The following ZNF770 variants were observed in gnomAD, a reference collection of about 807,000 sequenced individuals.
ZNF770 encodes zinc finger protein 770.
A neutral mutation model predicts 44.8 loss-of-function variants in ZNF770; 13 were observed. The ratio of observed to expected loss-of-function variants is 0.29; its 90% CI spans 0.19 to 0.46. The LOEUF is 0.46. ZNF770 is among the 20% of genes least tolerant of loss of function. The probability of loss-of-function intolerance (pLI) is 1.00; values close to 1 mark genes in which losing one functional copy is unlikely to be tolerated. For synonymous variants in ZNF770, 304 were observed against 271.8 expected (o/e 1.12, Z -1.17); for missense variants, 681 against 797.9 (o/e 0.85, Z 1.77).
In ZNF770 at chr15:34,988,180, G is replaced by A. The variant is rs998372864; in HGVS notation, c.-238C>T. On this transcript the variant is annotated 5_prime_UTR_variant, in exon 1 of 3. Transcript: ENST00000356321. ...CGCTCCACTTCTCAGTCGGGTTTCT[G>A]AAGTCCTCCTCACGCATCTGGAGCT... The A allele has an allele frequency of 3.3e-5, 5 of 152,218 alleles. No individual in the cohort carries two copies. The highest frequency in any genetic ancestry group is 7.2e-5 in the African/African-American group (3 of 41,446). 9.4% of individuals were successfully genotyped at this position (152,218 alleles called of 1,614,324 possible).
chr15:34,985,264 GA>G (rs1279814616), intron 2 of ZNF770, among the ~76,000 whole-genome samples: 4 of 151,968 alleles, frequency 2.6e-5, no homozygotes, highest in Middle Eastern at 3.4e-3. Flanking sequence ...AGGAGTCAGA[GA>G]TTTTTTCAAA....
rs1391460245 is a variant in ZNF770, at chr15:34,979,745, A to G, written c.*1614T>C. On this transcript the variant is annotated 3_prime_UTR_variant, in exon 3 of 3. Transcript: ENST00000356321. The stretch of plus-strand genomic sequence containing the variant: ...CATTTATCCACATTCTCAATAGAGG[A>G]TTTTCCACTATATTTAAGTATGGCA... 2.3e-6 allele frequency: 1 copy of G among 432,532 alleles called. No individual in the cohort carries two copies. The highest frequency in any genetic ancestry group is 4.6e-6 in the Non-Finnish European group (1 of 217,090). 26.8% of individuals were successfully genotyped at this position (432,532 alleles called of 1,614,324 possible). A position where few individuals can be genotyped will look rare whatever the true frequency, so the allele number is the denominator to read the frequency against.
In ZNF770 at chr15:34,982,275, C is replaced by A. The variant is rs375977733; in HGVS notation, c.1160G>T (p.Gly387Val). The A allele has an allele frequency of 4.3e-6, 7 of 1,613,754 alleles. No individual in the cohort carries two copies. In the African/African-American group the frequency reaches 9.3e-5, roughly 22 times the overall value. ...ATATGTTCCATGTTTGCCAAGAGAA[C>A]CCACAAATGTTCTCTGGGTTTGTTC... ...SSEQTQRTFVGSLGKHGTYKT... is the reference protein window; with the variant it reads ...SSEQTQRTFVVSLGKHGTYKT... The change falls in exon 3 of 3, where the codon GGT becomes GTT. Residue 387 changes from glycine (G) to valine (V), a missense_variant. By Grantham distance (109) the Gly-to-Val change is moderately radical (BLOSUM62 -3). Around this residue, in one of 5 missense-constraint regions of ZNF770, gnomAD observed 432 missense variants for 434.1 expected, o/e 1.00. Transcript: ENST00000356321.
intron 2 of ZNF770, among the ~76,000 whole-genome samples, chr15:34,985,825 C>T (rs1475055882): frequency 2.0e-5 from 3 of 151,932 alleles, no homozygotes; most frequent in Non-Finnish European, 2.9e-5. Flanking sequence ...ACCCAGGAGA[C>T]GGAGGTTGCA....
chr15:34,983,360 C>T lies in ZNF770; in HGVS notation c.75G>A (p.Arg25=), dbSNP rs1312726595. The T allele has an allele frequency of 6.2e-7, 1 of 1,608,460 alleles. No homozygotes were observed. The stretch of plus-strand genomic sequence containing the variant: ...TAAAACAAATATTGCAAACATATGG[C>T]CTGTTTCTAGGTAGTTTGTTGGCTA... ...CVVANKLPRN[R]PYVCNICFKH... is the part of the protein sequence containing the mutation. Residue 25 remains arginine (R), a synonymous_variant, in exon 3 of 3, where the codon AGG becomes AGA. Coordinates refer to ENST00000356321, the MANE Select transcript of ZNF770 (RefSeq NM_014106.4).
chr15:34,984,942 G>C (rs1019084205), intron 2 of ZNF770, among the ~76,000 whole-genome samples: 1 of 152,008 alleles, frequency 6.6e-6, no homozygotes, highest in Non-Finnish European at 1.5e-5. Flanking sequence ...AGACCTGCCT[G>C]AACAACGTGG....
Position 34,981,001 on chromosome 15 carries a change from T to C in ZNF770, c.*358A>G, listed in dbSNP as rs1307981253. 7 of 185,278 alleles carry C rather than the reference T, an allele frequency of 3.8e-5. No individual in the cohort carries two copies. Among genetic ancestry groups the C allele is most frequent in the Non-Finnish European group, 7.8e-5 (7 of 89,468 alleles). The allele number at this position is 185,278 out of a possible 1,614,324, so 11.5% of individuals were successfully genotyped here. A position where few individuals can be genotyped will look rare whatever the true frequency, so the allele number is the denominator to read the frequency against. On this transcript the variant is annotated 3_prime_UTR_variant, in exon 3 of 3. Coordinates refer to ENST00000356321, the MANE Select transcript of ZNF770 (RefSeq NM_014106.4). ...GTTTTGCCTCTCAGTCTTTTGAGTA[T>C]ATCTAAAAAGAGATGGCATGTCTTA...
At position 34,981,652 on chromosome 15, in the gene ZNF770, G is replaced by T. The variant is rs750828656; in HGVS notation, c.1783C>A (p.Pro595Thr). The T allele has an allele frequency of 1.9e-6, 3 of 1,614,104 alleles. No individual in the cohort carries two copies. Among genetic ancestry groups the T allele is most frequent in the South Asian group, 1.1e-5 (1 of 91,074 alleles). Reference sequence around the variant, plus strand: ...TCCAAAAGTACATTAGGAAGACAGGGTTGCCCGGTGCTACCAGGAATAAAA... The same window carrying T: ...TCCAAAAGTACATTAGGAAGACAGGTTTGCCCGGTGCTACCAGGAATAAAA... ...QDFIPGSTGQ[P>T]CLPNVLLESE... Residue 595 changes from proline (P) to threonine (T), a missense_variant, in exon 3 of 3, where the codon CCC becomes ACC. Transcript: ENST00000356321.
rs1326185064 is a variant in ZNF770 at position 34,979,605 on chromosome 15, C to A, written c.*1754G>T. On this transcript the variant is annotated 3_prime_UTR_variant, in exon 3 of 3. Transcript: ENST00000356321. ...ATCTCTGTAAATTAAACCCAAGTTA[C>A]TTAAAAATCACCTGTGGTAAAAGAA... 1 of 449,196 alleles carries A rather than the reference C, an allele frequency of 2.2e-6. No homozygotes were observed. The highest frequency in any genetic ancestry group is 4.5e-6 in the Non-Finnish European group (1 of 224,362). 27.8% of individuals were successfully genotyped at this position (449,196 alleles called of 1,614,324 possible). A position where few individuals can be genotyped will look rare whatever the true frequency, so the allele number is the denominator to read the frequency against.
Position 34,982,048 on chromosome 15 carries a change from C to T in ZNF770, c.1387G>A (p.Val463Ile). ...CTAGTACGTATGTTTTCCCTTGGAACTGAAAAACCACACTGAAGTACCTCA... is the reference window on the plus strand; with the variant it reads ...CTAGTACGTATGTTTTCCCTTGGAATTGAAAAACCACACTGAAGTACCTCA... The part of the protein sequence containing the change: ...NCEVLQCGFS[V>I]PRENIRTRHK... Residue 463 changes from valine (V) to isoleucine (I), a missense_variant, in exon 3 of 3, where the codon GTT becomes ATT. By Grantham distance (29) the Val-to-Ile change is conservative (BLOSUM62 3). Coordinates refer to ENST00000356321, the MANE Select transcript of ZNF770 (RefSeq NM_014106.4). 1 of 1,613,654 alleles carries T rather than the reference C, an allele frequency of 6.2e-7. No homozygotes were observed. The highest frequency in any genetic ancestry group is 8.5e-7 in the Non-Finnish European group (1 of 1,179,982).
Position 34,982,910 on chromosome 15 carries a change from A to G in ZNF770, c.525T>C (p.Leu175=), listed in dbSNP as rs761173614. The G allele has an allele frequency of 1.4e-5, 22 of 1,614,064 alleles. No homozygotes were observed. The South Asian group carries it at 2.3e-4, about 17-fold the overall frequency. ...CGKMFPSQSK[L]DRHVLIHTGQ... Reference sequence around the variant, plus strand: ...CAGTATGAATAAGTACATGCCTATCAAGTTTTGACTGTGATGGAAACATCT... The same window carrying G: ...CAGTATGAATAAGTACATGCCTATCGAGTTTTGACTGTGATGGAAACATCT... Residue 175 remains leucine (L), a synonymous_variant, in exon 3 of 3, where the codon CTT becomes CTC. Transcript: ENST00000356321.
chr15:34,986,323 T>C (rs1333601485), intron 2 of ZNF770, among the ~76,000 whole-genome samples: 1 of 152,220 alleles, frequency 6.6e-6, no homozygotes, highest in Non-Finnish European at 1.5e-5. Flanking sequence ...ATATATCATA[T>C]AACCCAGATA....
intron 2 of ZNF770, among the ~76,000 whole-genome samples, chr15:34,986,756 G>A (rs955740524): frequency 6.6e-6 from 1 of 152,222 alleles, no homozygotes; most frequent in Admixed American, 6.5e-5. Flanking sequence ...AAAGGGAGGG[G>A]AAGGTCTAGG....
intron 2 of ZNF770, among the ~76,000 whole-genome samples, chr15:34,985,539 TATTACTC>T (rs746228542): frequency 2.0e-5 from 3 of 152,220 alleles, no homozygotes; most frequent in African/African-American, 4.8e-5. Flanking sequence ...AACTGCAGGA[TATTACTC>T]ATTAATGGAT....
chr15:34,983,679 T>C (rs2140521954), intron 2 of ZNF770, among the ~76,000 whole-genome samples, 189 bp from the exon 3 acceptor site: 1 of 152,244 alleles, frequency 6.6e-6, no homozygotes, highest in South Asian at 2.1e-4. Context: ...GAGATATGAG[T>C]CTTTAAAAGA....
Position 34,982,840 on chromosome 15 carries a change from G to C in ZNF770, c.595C>G (p.Gln199Glu). ...KCVLCTKSFR[Q>E]STHLKIHQLT... is the part of the protein sequence containing the mutation. ...TGGTGGATTTTTAAGTGAGTTGACT[G>C]TCGAAAAGATTTAGTACACAAGACA... Residue 199 changes from glutamine (Q) to glutamate (E), a missense_variant, in exon 3 of 3, where the codon CAG becomes GAG. Physicochemically the swap from Gln to Glu is conservative, Grantham distance 29. This residue lies in a region of ZNF770 where 432 missense variants were observed against 434.1 expected (regional missense o/e 1.00). Transcript: ENST00000356321. 1 of 1,613,830 alleles carries C rather than the reference G, an allele frequency of 6.2e-7. No individual in the cohort carries two copies. Among genetic ancestry groups the C allele is most frequent in the Non-Finnish European group, 8.5e-7 (1 of 1,179,962 alleles).
At chr15:34,983,940 TTAGAA>T (rs72477950) in intron 2 of ZNF770, among the ~76,000 whole-genome samples, 17,998 of 152,112 alleles carry the variant, frequency 0.12, 2,731 homozygotes, top group African/African-American at 0.36. Context: ...AAATATGCTC[TTAGAA>T]TAGAACATTT....
chr15:34,978,977 A>C lies in ZNF770; in HGVS notation c.*2382T>G, dbSNP rs1210324847. On this transcript the variant is annotated 3_prime_UTR_variant, in exon 3 of 3. Transcript: ENST00000356321. Reference sequence around the variant, plus strand: ...ATTTGTATTATTTTTATTTTTTCTAATATTTTTGATCTGCAATTGGTTTAA... The same window carrying C: ...ATTTGTATTATTTTTATTTTTTCTACTATTTTTGATCTGCAATTGGTTTAA... 1 of 152,486 alleles carries C rather than the reference A, an allele frequency of 6.6e-6. No individual in the cohort carries two copies. The highest frequency in any genetic ancestry group is 1.5e-5 in the Non-Finnish European group (1 of 68,014). The allele number at this position is 152,486 out of a possible 1,614,324, so 9.4% of individuals were successfully genotyped here.
At position 34,980,855 on chromosome 15, in the gene ZNF770, TACAAAA is replaced by T. The variant is rs1285703578; in HGVS notation, c.*498_*503del. Reference sequence around the variant, plus strand: ...TAGTGTCTCTGTAGTTTTTTTAACTTACAAAAAAAAAAAAAAAATTACCAATGCAAT... The same window carrying T: ...TAGTGTCTCTGTAGTTTTTTTAACTTAAAAAAAAAAAATTACCAATGCAAT... On this transcript the variant is annotated 3_prime_UTR_variant, in exon 3 of 3. Transcript: ENST00000356321. The T allele has an allele frequency of 2.3e-5, 2 of 88,086 alleles. No individual in the cohort carries two copies. Among genetic ancestry groups the T allele is most frequent in the African/African-American group, 1.8e-4 (2 of 11,176 alleles). The allele number at this position is 88,086 out of a possible 1,614,324, so 5.5% of individuals were successfully genotyped here. A position where few individuals can be genotyped will look rare whatever the true frequency, so the allele number is the denominator to read the frequency against.
Sources: gnomAD v4.1 joint callset for allele counts (sites outside exome capture counted in the v4.1 genomes callset) on GRCh38, gnomAD v4.1.1 for gene constraint, gnomAD v4.1.1 regional missense constraint, MANE v1.5 for transcripts, NCBI Gene and HGNC (gene_info 2026-07-23, HGNC 2026-07-21) for gene names.